The following KHDRBS2 variants were observed in gnomAD, a reference collection of about 807,000 sequenced individuals.
The protein encoded by KHDRBS2 is KH RNA binding domain containing, signal transduction associated 2.
In KHDRBS2, 26 loss-of-function variants were observed where a neutral mutation model predicts 44.3. That is an observed-to-expected ratio of 0.59 (90% CI 0.43 to 0.81). The LOEUF (loss-of-function observed/expected upper bound fraction) is 0.81. Ranked by LOEUF, KHDRBS2 falls within the 40% of genes least tolerant of loss-of-function variation. The probability of loss-of-function intolerance (pLI) is 0.00; values close to 1 mark genes in which losing one functional copy is unlikely to be tolerated. For synonymous variants in KHDRBS2, 194 were observed against 151.1 expected, an observed-to-expected ratio of 1.28 and a Z score of -2.08; for missense variants, 476 against 433.1, an observed-to-expected ratio of 1.10 and a Z score of -0.88.
At chr6:61,954,324 T>C (rs1471735019) in intron 4 of KHDRBS2, among the ~76,000 whole-genome samples, 1 of 150,956 alleles carries the variant, frequency 6.6e-6, no homozygotes, top group Non-Finnish European at 1.5e-5. Context: ...CATACATATA[T>C]ACATATATGT....
chr6:61,587,952 C>G, the KHDRBS2 span, among the ~76,000 whole-genome samples: 1 of 152,258 alleles, frequency 6.6e-6, no homozygotes, highest in East Asian at 1.9e-4. Context: ...TAAGAAACAG[C>G]ATTTTCAGGC....
chr6:61,743,619 A>G (rs1776451657), intron 6 of KHDRBS2, among the ~76,000 whole-genome samples: 1 of 151,972 alleles, frequency 6.6e-6, no homozygotes. Context: ...TTTTATCCTT[A>G]TTTTATTTTT....
chr6:61,985,312 G>C (rs1774844532), intron 3 of KHDRBS2, among the ~76,000 whole-genome samples: 1 of 152,052 alleles, frequency 6.6e-6, no homozygotes, highest in African/African-American at 2.4e-5. Flanking sequence ...ACTTCTCTCT[G>C]TGTATTAAAA....
intron 1 of KHDRBS2, among the ~76,000 whole-genome samples, chr6:62,195,098 T>C (rs1825406196): frequency 6.6e-6 from 1 of 152,188 alleles, no homozygotes; most frequent in African/African-American, 2.4e-5. Flanking sequence ...CCTCCATTAA[T>C]GTCTTTCAAC....
intron 6 of KHDRBS2, among the ~76,000 whole-genome samples, chr6:61,876,719 A>G (rs976882472): frequency 9.2e-5 from 14 of 152,042 alleles, no homozygotes; most frequent in African/African-American, 2.9e-4. Flanking sequence ...AAAAATAAGT[A>G]TATGCAAACT....
intron 6 of KHDRBS2, among the ~76,000 whole-genome samples, chr6:61,854,339 A>T (rs1196289196): frequency 2.0e-5 from 3 of 152,030 alleles, no homozygotes; most frequent in Admixed American, 1.3e-4. Flanking sequence ...GCATTTGCTC[A>T]TAATAGAGCA....
intron 6 of KHDRBS2, among the ~76,000 whole-genome samples, chr6:61,760,752 C>G (rs750778904): frequency 1.3e-5 from 2 of 152,040 alleles, no homozygotes; most frequent in Non-Finnish European, 2.9e-5. Flanking sequence ...ATGAAAACAC[C>G]GAATCACAGA....
the KHDRBS2 span, among the ~76,000 whole-genome samples, chr6:61,620,876 T>C: frequency 6.6e-6 from 1 of 152,230 alleles, no homozygotes; most frequent in South Asian, 2.1e-4. Flanking sequence ...CTGCTACCCA[T>C]TCTTCCTTCC....
chr6:62,257,648 C>A (rs1255929823), intron 1 of KHDRBS2, among the ~76,000 whole-genome samples: 1 of 151,984 alleles, frequency 6.6e-6, no homozygotes, highest in Non-Finnish European at 1.5e-5. Flanking sequence ...GGCTATTTCC[C>A]CTGCTCAATG....
chr6:62,174,743 G>A (rs1820747867), intron 2 of KHDRBS2, among the ~76,000 whole-genome samples: 1 of 151,770 alleles, frequency 6.6e-6, no homozygotes, highest in Non-Finnish European at 1.5e-5. Context: ...GACAGCAGTT[G>A]TCAAGGGGAG....
chr6:61,831,546 T>A (rs955013884), intron 6 of KHDRBS2, among the ~76,000 whole-genome samples: 26 of 152,070 alleles, frequency 1.7e-4, no homozygotes, highest in Admixed American at 1.4e-3. Context: ...CTGAGAAAAA[T>A]TGAATTCTGA....
chr6:62,103,716 C>A (rs1802458946), intron 2 of KHDRBS2, among the ~76,000 whole-genome samples: 1 of 152,198 alleles, frequency 6.6e-6, no homozygotes, highest in Non-Finnish European at 1.5e-5. Flanking sequence ...CCAGCCATGT[C>A]TCTCCCACTA....
At chr6:61,726,823 TATC>T (rs1941796759) in intron 7 of KHDRBS2, among the ~76,000 whole-genome samples, 1 of 152,120 alleles carries the variant, frequency 6.6e-6, no homozygotes, top group Non-Finnish European at 1.5e-5. Context: ...GAAGAATCAA[TATC>T]ATGAAAATGA....
At chr6:61,625,597 A>G in the KHDRBS2 span, among the ~76,000 whole-genome samples, 1 of 151,966 alleles carries the variant, frequency 6.6e-6, no homozygotes, top group Admixed American at 6.6e-5. Flanking sequence ...ACACAGCACT[A>G]AGCTGAGAGC....
At chr6:61,908,880 G>A (rs1375795949) in intron 4 of KHDRBS2, among the ~76,000 whole-genome samples, 1 of 151,928 alleles carries the variant, frequency 6.6e-6, no homozygotes, top group Non-Finnish European at 1.5e-5. Context: ...TACTGTTTTG[G>A]CATATACCTG....
intron 1 of KHDRBS2, among the ~76,000 whole-genome samples, chr6:62,248,986 G>A (rs193238951): frequency 5.8e-4 from 89 of 152,178 alleles, no homozygotes; most frequent in African/African-American, 1.7e-3. Context: ...GTAATATTTT[G>A]GATAAATAAT....
intron 4 of KHDRBS2, among the ~76,000 whole-genome samples, chr6:61,971,461 C>T (rs796325848): frequency 6.6e-6 from 1 of 151,846 alleles, no homozygotes; most frequent in Non-Finnish European, 1.5e-5. Flanking sequence ...GAATTAGTTG[C>T]TAGAAGTTGA....
chr6:61,993,673 ATTTTTTTTTT>A (rs200474893), intron 3 of KHDRBS2, among the ~76,000 whole-genome samples: 2 of 115,694 alleles, frequency 1.7e-5, no homozygotes, highest in African/African-American at 3.2e-5. Context: ...ATATATATAT[ATTTTTTTTTT>A]TTGATGTGAG....
intron 4 of KHDRBS2, among the ~76,000 whole-genome samples, chr6:61,955,361 T>C (rs533479936): frequency 8.2e-6 from 1 of 122,250 alleles, no homozygotes; most frequent in African/African-American, 3.2e-5. Flanking sequence ...TATATATGTA[T>C]ACATATACGT....
Sources: gnomAD v4.1 joint callset for allele counts (sites outside exome capture counted in the v4.1 genomes callset) on GRCh38, gnomAD v4.1.1 for gene constraint, MANE v1.5 for transcripts, NCBI Gene and HGNC (gene_info 2026-07-23, HGNC 2026-07-21) for gene names.